Variants in MB21D2 observed in about 807,000 individuals in gnomAD.
MB21D2 encodes the protein Mab-21 domain containing 2.
Under a neutral mutation model 33.3 loss-of-function variants are expected in MB21D2, and 9 were observed. The observed-to-expected ratio is 0.27, with a 90% CI of 0.16 to 0.47. The LOEUF (loss-of-function observed/expected upper bound fraction) is 0.47. MB21D2 is among the 20% of genes least tolerant of loss of function. The pLI is 0.99. For missense variants in MB21D2, 540 were observed against 624.6 expected (o/e 0.86, Z 1.44); for synonymous variants, 241 against 236.3 (o/e 1.02, Z -0.18).
chr3:192,879,507 A>T (rs894882440), intron 1 of MB21D2, among the ~76,000 whole-genome samples: 2 of 152,194 alleles, frequency 1.3e-5, no homozygotes, highest in South Asian at 2.1e-4. Flanking sequence ...TCCCATCTCC[A>T]CATTCCTTTC....
At chr3:192,917,203 A>G (rs1714486420) in intron 1 of MB21D2, among the ~76,000 whole-genome samples, 1 of 152,142 alleles carries the variant, frequency 6.6e-6, no homozygotes, top group African/African-American at 2.4e-5. Flanking sequence ...AGCTCGGGAG[A>G]GCACCCAAGA....
intron 1 of MB21D2, among the ~76,000 whole-genome samples, chr3:192,814,090 C>T (rs1711854457): frequency 6.6e-6 from 1 of 152,130 alleles, no homozygotes; most frequent in Admixed American, 6.5e-5. Context: ...TACTAATTTC[C>T]TCAATCTAGT....
intron 1 of MB21D2, among the ~76,000 whole-genome samples, chr3:192,846,653 G>T (rs1712686117): frequency 6.6e-6 from 1 of 152,110 alleles, no homozygotes. Context: ...CCCTGAACAA[G>T]AAATCCATGC....
chr3:192,875,015 TA>T (rs56300027), intron 1 of MB21D2, among the ~76,000 whole-genome samples: 1 of 149,046 alleles, frequency 6.7e-6, no homozygotes, highest in African/African-American at 2.5e-5. Flanking sequence ...CTGTCCCTAT[TA>T]AAAAAAAAAC....
At chr3:192,899,922 T>C (rs919446088) in intron 1 of MB21D2, among the ~76,000 whole-genome samples, 1 of 148,120 alleles carries the variant, frequency 6.8e-6, no homozygotes, top group African/African-American at 2.5e-5. Flanking sequence ...CCAAGTAGAA[T>C]TGTCAAAGAG....
chr3:192,902,717 A>G (rs1442238743), intron 1 of MB21D2, among the ~76,000 whole-genome samples: 1 of 152,138 alleles, frequency 6.6e-6, no homozygotes, highest in Non-Finnish European at 1.5e-5. Context: ...AAATCCTCCT[A>G]AGCTCTAAGA....
intron 1 of MB21D2, among the ~76,000 whole-genome samples, chr3:192,814,485 T>C (rs1011731143): frequency 1.3e-5 from 2 of 152,146 alleles, no homozygotes; most frequent in South Asian, 4.2e-4. Flanking sequence ...TCTGCAGAAG[T>C]AGAAATTTGC....
chr3:192,805,779 C>T (rs1711648850), intron 1 of MB21D2, among the ~76,000 whole-genome samples: 1 of 152,118 alleles, frequency 6.6e-6, no homozygotes, highest in Non-Finnish European at 1.5e-5. Flanking sequence ...AAAAACCCAC[C>T]CTTACAGGAT....
intron 1 of MB21D2, among the ~76,000 whole-genome samples, chr3:192,827,641 C>T (rs763513059): frequency 6.6e-6 from 1 of 152,092 alleles, no homozygotes; most frequent in South Asian, 2.1e-4. Flanking sequence ...AAACTAAAAC[C>T]AGGTCTCGCT....
chr3:192,841,930 G>A (rs1712582250), intron 1 of MB21D2, among the ~76,000 whole-genome samples: 1 of 152,168 alleles, frequency 6.6e-6, no homozygotes, highest in African/African-American at 2.4e-5. Context: ...AAGTGAACCA[G>A]GCAGAGGGGT....
At position 192,855,894 on chromosome 3, in the gene MB21D2, G is replaced by T. The variant is rs543417454; in HGVS notation, c.212-56244C>A. ...TCAAGACCAGCCTGGCCAACATGGC[G>T]AAAGCCCATCTCTATTAAAAATATA... On this transcript the variant is annotated intron_variant, in intron 1 of 1. Transcript: ENST00000392452. Among the ~76,000 whole-genome samples the T allele has an allele frequency of 8.4e-4, 128 of 152,292 alleles. 1 individual carries two copies. The highest frequency in any genetic ancestry group is 3.0e-3 in the African/African-American group (124 of 41,564).
At chr3:192,819,145 C>G (rs1409231648) in intron 1 of MB21D2, among the ~76,000 whole-genome samples, 1 of 152,124 alleles carries the variant, frequency 6.6e-6, no homozygotes, top group Admixed American at 6.5e-5. Flanking sequence ...AGGGAGAGGC[C>G]ATCCGGGGGC....
intron 1 of MB21D2, among the ~76,000 whole-genome samples, chr3:192,886,724 C>A (rs940824662): frequency 2.6e-5 from 4 of 152,122 alleles, no homozygotes; most frequent in African/African-American, 4.8e-5. Flanking sequence ...GCTTTTCTAA[C>A]CCTTACGTTT....
At chr3:192,877,254 A>G (rs1201863539) in intron 1 of MB21D2, among the ~76,000 whole-genome samples, 1 of 152,210 alleles carries the variant, frequency 6.6e-6, no homozygotes, top group Non-Finnish European at 1.5e-5. Context: ...CCTATGTTGT[A>G]TTTAAACTGT....
At position 192,799,726 on chromosome 3, in the gene MB21D2, C is replaced by A. The variant is rs1711517576; in HGVS notation, c.212-76G>T. ...AGAGTCTTATGCATGAAACAGAATG[C>A]TCTGATGTTCCAAGAACCAAAACTC... On this transcript the variant is annotated intron_variant, in intron 1 of 1. Coordinates refer to ENST00000392452, the MANE Select transcript of MB21D2 (RefSeq NM_178496.4). The surrounding 1 kb of genome is among the most constrained non-coding windows in gnomAD (Gnocchi z 4.1). The A allele has an allele frequency of 6.9e-7, 1 of 1,445,926 alleles. No homozygotes were observed. Among genetic ancestry groups the A allele is most frequent in the African/African-American group, 1.4e-5 (1 of 70,178 alleles). 89.6% of individuals were successfully genotyped at this position (1,445,926 alleles called of 1,614,324 possible). A position where few individuals can be genotyped will look rare whatever the true frequency, so the allele number is the denominator to read the frequency against.
chr3:192,874,545 T>A (rs977495795), intron 1 of MB21D2, among the ~76,000 whole-genome samples: 1 of 152,218 alleles, frequency 6.6e-6, no homozygotes, highest in Non-Finnish European at 1.5e-5. Context: ...TATTATCCTG[T>A]ATGTATAGTT....
chr3:192,811,448 C>T (rs1165916295), intron 1 of MB21D2, among the ~76,000 whole-genome samples: 1 of 152,066 alleles, frequency 6.6e-6, no homozygotes, highest in Non-Finnish European at 1.5e-5. Context: ...GACAACTGGC[C>T]ATGAGGAGCC....
chr3:192,834,072 T>C (rs1712379194), intron 1 of MB21D2, among the ~76,000 whole-genome samples: 1 of 152,092 alleles, frequency 6.6e-6, no homozygotes, highest in African/African-American at 2.4e-5. Context: ...TGCAGGTACA[T>C]GGTACATGGC....
At chr3:192,891,383 GAAC>G (rs1419361179) in intron 1 of MB21D2, among the ~76,000 whole-genome samples, 1 of 152,092 alleles carries the variant, frequency 6.6e-6, no homozygotes, top group Non-Finnish European at 1.5e-5. Context: ...TTAATAAATA[GAAC>G]AAAATAATTA....
Sources: gnomAD v4.1 joint callset for allele counts (sites outside exome capture counted in the v4.1 genomes callset) on GRCh38, gnomAD v4.1.1 for gene constraint, Gnocchi (gnomAD v3.1) non-coding constraint, MANE v1.5 for transcripts, NCBI Gene and HGNC (gene_info 2026-07-23, HGNC 2026-07-21) for gene names.